C19orf44: variants seen among roughly 807,000 people sequenced by gnomAD.
C19orf44 encodes uncharacterized protein C19orf44.
C19orf44 carries 43 observed loss-of-function variants against 50.7 expected under a neutral mutation model. That is an observed-to-expected ratio of 0.85 (90% CI 0.66 to 1.09). The LOEUF is 1.09. Ranked by LOEUF, C19orf44 falls within the 50% of genes least tolerant of loss-of-function variation. C19orf44 has a pLI of 0.00. For synonymous variants in C19orf44, 298 were observed against 334.7 expected (o/e 0.89, Z 1.20); for missense variants, 722 against 836.2 (o/e 0.86, Z 1.68).
At chr19:16,516,741 A>G (rs2093473488) in intron 7 of C19orf44, among the ~76,000 whole-genome samples, 1 of 152,236 alleles carries the variant, frequency 6.6e-6, no homozygotes, top group African/African-American at 2.4e-5. Flanking sequence ...AGTCCCCTGC[A>G]TGCCAGGCCT....
At chr19:16,501,912 A>ATTT (rs35232665) in intron 2 of C19orf44, among the ~76,000 whole-genome samples, 7 of 116,314 alleles carry the variant, frequency 6.0e-5, no homozygotes, top group South Asian at 2.8e-4. Context: ...ACTTTTTTGT[A>ATTT]TTTTTTTTTT....
At chr19:16,505,611 T>A (rs1454155577) in intron 3 of C19orf44, among the ~76,000 whole-genome samples, 1 of 152,228 alleles carries the variant, frequency 6.6e-6, no homozygotes, top group Non-Finnish European at 1.5e-5. Flanking sequence ...TGGAGCTGAG[T>A]CAGTCTGTCC....
At chr19:16,500,025 G>A (rs1333258262) in intron 1 of C19orf44, among the ~76,000 whole-genome samples, 1 of 152,084 alleles carries the variant, frequency 6.6e-6, no homozygotes, top group Non-Finnish European at 1.5e-5. Context: ...ATGACCTCGT[G>A]ATCCACCCAC....
At position 16,520,386 on chromosome 19, in the gene C19orf44, A is replaced by C; in HGVS notation, c.*333A>C. 6.2e-7 allele frequency: 1 copy of C among 1,613,826 alleles called. No homozygotes were observed. The highest frequency in any genetic ancestry group is 8.5e-7 in the Non-Finnish European group (1 of 1,179,930). ...TACCTAGATCTGGAGCGGGAGTAGGAACGGGAGCAGGAGCGCGACCTTGAC... is the reference window on the plus strand; with the variant it reads ...TACCTAGATCTGGAGCGGGAGTAGGCACGGGAGCAGGAGCGCGACCTTGAC... On this transcript the variant is annotated 3_prime_UTR_variant, in exon 9 of 9. Coordinates refer to ENST00000221671, the MANE Select transcript of C19orf44 (RefSeq NM_032207.4). This position sits in a 1 kb window ranked among gnomAD's most constrained non-coding sequence, Gnocchi z 4.0.
chr19:16,514,713 C>T (rs921084043), intron 7 of C19orf44, 50 bp downstream of exon 7: 95 of 1,463,868 alleles, frequency 6.5e-5, no homozygotes, highest in Non-Finnish European at 8.2e-5. Context: ...GGAGCGGCAG[C>T]TCCCAGAGGC....
rs2093430355 is a variant in C19orf44 at position 16,503,096 on chromosome 19, C to T, written c.791C>T (p.Pro264Leu). 1.9e-6 allele frequency: 3 copies of T among 1,613,870 alleles called. No individual in the cohort carries two copies. The highest frequency in any genetic ancestry group is 2.5e-6 in the Non-Finnish European group (3 of 1,180,028). ...TCTCAACTGAGAGCATTTACTGTAC[C>T]CAGCGTGGAACTCTCCAGCGCAAAG... is the stretch of plus-strand genomic sequence containing the variant. Reference protein sequence around the residue: ...VPSQLRAFTVPSVELSSAKPS... With the variant: ...VPSQLRAFTVLSVELSSAKPS... The change falls in exon 3 of 9, where the codon CCC becomes CTC. Residue 264 changes from proline (P) to leucine (L), a missense_variant. Pro to Leu is a moderately conservative substitution (Grantham distance 98). Transcript: ENST00000221671.
rs2085545972 is a variant in C19orf44 at position 16,517,284 on chromosome 19, G to A, written c.1957G>A (p.Val653Met). 4 of 1,614,138 alleles carry A rather than the reference G, an allele frequency of 2.5e-6. No homozygotes were observed. In the South Asian group the frequency reaches 3.3e-5, roughly 13 times the overall value. ...GACCATGGAGGATGCCCTGGAGGAG[G>A]TGAACAAGGAGCTGTGAGCGCCAGC... ...PLTMEDALEE[V>M]NKEL Residue 653 changes from valine (V) to methionine (M), a missense_variant, in exon 8 of 9, where the codon GTG becomes ATG. Physicochemically the swap from Val to Met is conservative, Grantham distance 21 (BLOSUM62 1). Coordinates refer to ENST00000221671, the MANE Select transcript of C19orf44 (RefSeq NM_032207.4).
Position 16,509,717 on chromosome 19 carries a change from T to C in C19orf44, c.1368T>C (p.Ser456=). ...GCACTTCCAGCATGCAGCCACCATC[T>C]GAAGCCCCCATGGTGAACACAGTCA... ...QDSTSSMQPP[S]EAPMVNTVSS... The change falls in exon 5 of 9, where the codon TCT becomes TCC. Residue 456 remains serine, a synonymous_variant. Transcript: ENST00000221671. 6.2e-7 allele frequency: 1 copy of C among 1,614,258 alleles called. No individual in the cohort carries two copies. Among genetic ancestry groups the C allele is most frequent in the South Asian group, 1.1e-5 (1 of 91,090 alleles).
chr19:16,502,146 G>T (rs1035622381), intron 2 of C19orf44, among the ~76,000 whole-genome samples: 4 of 151,792 alleles, frequency 2.6e-5, no homozygotes, highest in African/African-American at 7.3e-5. Context: ...CTGACCTCAG[G>T]TGATTTGCCT....
Position 16,519,847 on chromosome 19 carries a change from C to T in C19orf44, c.*41-247C>T, listed in dbSNP as rs1362781945. 29 of 812,638 alleles carry T rather than the reference C, an allele frequency of 3.6e-5. No homozygotes were observed. Among genetic ancestry groups the T allele is most frequent in the East Asian group, 3.2e-4 (13 of 40,576 alleles). The allele number at this position is 812,638 out of a possible 1,614,324, so 50.3% of individuals were successfully genotyped here. A position where few individuals can be genotyped will look rare whatever the true frequency, so the allele number is the denominator to read the frequency against. Reference sequence around the variant, plus strand: ...CAGGTGACACCGTATGCAGATTTTGCGTCTCTACCCGTTTATCCTGTCTCA... The same window carrying T: ...CAGGTGACACCGTATGCAGATTTTGTGTCTCTACCCGTTTATCCTGTCTCA... On this transcript the variant is annotated intron_variant, in intron 8 of 8. Coordinates refer to ENST00000221671, the MANE Select transcript of C19orf44 (RefSeq NM_032207.4). The surrounding 1 kb of genome is among the most constrained non-coding windows in gnomAD (Gnocchi z 6.0).
chr19:16,505,039 G>A (rs926414802), intron 3 of C19orf44, among the ~76,000 whole-genome samples: 1 of 151,396 alleles, frequency 6.6e-6, no homozygotes, highest in Non-Finnish European at 1.5e-5. Context: ...GGATGGTCTC[G>A]ATCTCTTGAC....
Position 16,503,388 on chromosome 19 carries a change from C to G in C19orf44, c.1075+8C>G. 1.2e-6 allele frequency: 2 copies of G among 1,602,436 alleles called. No individual in the cohort carries two copies. Among genetic ancestry groups the G allele is most frequent in the Non-Finnish European group, 8.5e-7 (1 of 1,172,064 alleles). On this transcript the variant is annotated splice_region_variant and intron_variant, in intron 3 of 8. Transcript: ENST00000221671. Reference sequence around the variant, plus strand: ...CTGATGACAGCCTCGACGGTAATCCCAGTCCCGGTGCAAAGCCAGTACCTT... The same window carrying G: ...CTGATGACAGCCTCGACGGTAATCCGAGTCCCGGTGCAAAGCCAGTACCTT...
chr19:16,521,125 A>T lies in C19orf44; in HGVS notation c.*1072A>T, dbSNP rs936915814. 17 of 605,796 alleles carry T rather than the reference A, an allele frequency of 2.8e-5. No homozygotes were observed. Among genetic ancestry groups the T allele is most frequent in the Non-Finnish European group, 4.4e-5 (15 of 337,896 alleles). 37.5% of individuals were successfully genotyped at this position (605,796 alleles called of 1,614,324 possible). On this transcript the variant is annotated 3_prime_UTR_variant, in exon 9 of 9. Coordinates refer to ENST00000221671, the MANE Select transcript of C19orf44 (RefSeq NM_032207.4). ...CTCCTCTGGTGCCCACGCCCTTGCCACCCTGCTGTTCCGCTGAGGTGGTGG... is the reference window on the plus strand; with the variant it reads ...CTCCTCTGGTGCCCACGCCCTTGCCTCCCTGCTGTTCCGCTGAGGTGGTGG...
intron 3 of C19orf44, 97 bp from the exon 4 acceptor site, chr19:16,506,603 AG>A: frequency 2.4e-6 from 2 of 829,080 alleles, no homozygotes; most frequent in Non-Finnish European, 3.6e-6. Flanking sequence ...AAAAAAAAAA[AG>A]AAAAGAAAAG....
At chr19:16,517,091 C>T (rs1158236520) in intron 7 of C19orf44, 139 bp from the exon 8 acceptor site, 1 of 753,824 alleles carries the variant, frequency 1.3e-6, no homozygotes, top group South Asian at 1.7e-5. Flanking sequence ...CTGTCACACA[C>T]ATCCTGTGGT....
At chr19:16,499,826 G>A (rs111694519) in intron 1 of C19orf44, among the ~76,000 whole-genome samples, 195 of 151,634 alleles carry the variant, frequency 1.3e-3, no homozygotes, top group African/African-American at 4.6e-3. Flanking sequence ...GTCTCGCTCT[G>A]TCGTCCAGGC....
Position 16,512,976 on chromosome 19 carries a change from G to A in C19orf44, c.1640-38G>A, listed in dbSNP as rs372524115. On this transcript the variant is annotated intron_variant, in intron 5 of 8. Coordinates refer to ENST00000221671, the MANE Select transcript of C19orf44 (RefSeq NM_032207.4). ...GTGGACCCGAAAGTCATTTCTCTGC[G>A]TCCTGCCTGCTTACCCCTCTCTTTG... 8.4e-5 allele frequency: 133 copies of A among 1,578,930 alleles called. 1 individual carries two copies. The highest frequency in any genetic ancestry group is 1.9e-4 in the South Asian group (17 of 90,324).
chr19:16,515,943 C>T lies in C19orf44; in HGVS notation c.1902+1280C>T, dbSNP rs57724755. 8.3e-3 allele frequency among the ~76,000 whole-genome samples: 1,266 copies of T among 152,156 alleles called. 17 individuals are homozygous for T. The highest frequency in any genetic ancestry group is 0.029 in the African/African-American group (1,206 of 41,502). On this transcript the variant is annotated intron_variant, in intron 7 of 8. Transcript: ENST00000221671. Reference sequence around the variant, plus strand: ...TCCTGAGTAGCTGTGATTACAGGTGCGAACCACCATGCCCAGCTAATTTTT... The same window carrying T: ...TCCTGAGTAGCTGTGATTACAGGTGTGAACCACCATGCCCAGCTAATTTTT...
intron 6 of C19orf44, 107 bp from the exon 7 acceptor site, chr19:16,514,386 GAAAA>G (rs371373484): frequency 2.1e-6 from 2 of 948,778 alleles, no homozygotes; most frequent in Middle Eastern, 3.5e-4. Flanking sequence ...CCTGTCTCCA[GAAAA>G]AAAAAAAAAG....
Sources: allele counts gnomAD v4.1 joint callset (sites outside exome capture counted in the v4.1 genomes callset), GRCh38; gene constraint gnomAD v4.1.1; non-coding constraint Gnocchi (gnomAD v3.1); transcripts MANE v1.5; gene names NCBI Gene and HGNC (gene_info 2026-07-23, HGNC 2026-07-21).